FEZ1: variants seen among roughly 807,000 people sequenced by gnomAD.
FEZ1 encodes the protein fasciculation and elongation protein zeta 1.
A neutral mutation model predicts 49.3 loss-of-function variants in FEZ1; 20 were observed. That is an observed-to-expected ratio of 0.41 (90% CI 0.29 to 0.59). FEZ1 has a LOEUF of 0.59. Among genes scored for constraint, FEZ1 ranks in the 20% least tolerant of loss-of-function variants. The pLI is 0.36. For synonymous variants in FEZ1, 170 were observed against 180.9 expected (o/e 0.94, Z 0.48); for missense variants, 413 against 476.0 (o/e 0.87, Z 1.23).
chr11:125,469,457 G>A (rs1478343998), intron 3 of FEZ1, among the ~76,000 whole-genome samples: 1 of 152,108 alleles, frequency 6.6e-6, no homozygotes. Context: ...TGGGGAACTT[G>A]CCATGTTTCC....
chr11:125,481,721 G>A, intron 2 of FEZ1, 88 bp from the exon 3 acceptor site: 2 of 914,278 alleles, frequency 2.2e-6, no homozygotes, highest in Non-Finnish European at 1.8e-6. Flanking sequence ...AGAGGAGAGA[G>A]GCTTCTGTGT....
At chr11:125,484,757 C>A (rs1306641720) in intron 2 of FEZ1, among the ~76,000 whole-genome samples, 2 of 151,942 alleles carry the variant, frequency 1.3e-5, no homozygotes, top group African/African-American at 4.8e-5. Flanking sequence ...ATTGTGTTTT[C>A]ATGGATCTAC....
chr11:125,481,204 C>T (rs1451018412), intron 3 of FEZ1, among the ~76,000 whole-genome samples: 8 of 151,858 alleles, frequency 5.3e-5, no homozygotes, highest in Non-Finnish European at 4.4e-5. Context: ...ACAACTCCTC[C>T]TTCCCAACAA....
chr11:125,446,034 C>G lies in FEZ1; in HGVS notation c.*61G>C, dbSNP rs1352534703. 15 of 1,520,518 alleles carry G rather than the reference C, an allele frequency of 9.9e-6. No individual in the cohort carries two copies. The highest frequency in any genetic ancestry group is 1.3e-5 in the Non-Finnish European group (14 of 1,094,978). 94.2% of individuals were successfully genotyped at this position (1,520,518 alleles called of 1,614,324 possible). A position where few individuals can be genotyped will look rare whatever the true frequency, so the allele number is the denominator to read the frequency against. On this transcript the variant is annotated 3_prime_UTR_variant, in exon 10 of 10. Transcript: ENST00000278919. ...GAGGTTACATGGTCTCATGCAGTCC[C>G]TGTGATGGAATGACTCTTGCTCAGT...
chr11:125,483,300 A>C (rs1324325237), intron 2 of FEZ1, among the ~76,000 whole-genome samples: 1 of 152,204 alleles, frequency 6.6e-6, no homozygotes, highest in Non-Finnish European at 1.5e-5. Context: ...ATAATTGGTG[A>C]TGGAACAAAT....
intron 3 of FEZ1, among the ~76,000 whole-genome samples, chr11:125,464,851 G>A (rs910486391): frequency 2.6e-5 from 4 of 152,132 alleles, no homozygotes; most frequent in Admixed American, 6.6e-5. Context: ...ATCTATTTCC[G>A]CTGTCAAACC....
intron 3 of FEZ1, chr11:125,468,987 G>A (rs35203305): frequency 0.35 from 53,403 of 152,040 alleles, 9,557 homozygotes; most frequent in South Asian, 0.5. Flanking sequence ...CCACCTAAAA[G>A]TGAGGGTGAG....
intron 3 of FEZ1, among the ~76,000 whole-genome samples, chr11:125,464,821 C>T (rs189302037): frequency 6.6e-6 from 1 of 152,316 alleles, no homozygotes; most frequent in Admixed American, 6.5e-5. Flanking sequence ...ATCTGAAGGG[C>T]CCGGGTACCA....
Position 125,489,654 on chromosome 11 carries a change from A to G in FEZ1, c.124T>C (p.Ser42Pro). 2 of 1,614,054 alleles carry G rather than the reference A, an allele frequency of 1.2e-6. No individual in the cohort carries two copies. Among genetic ancestry groups the G allele is most frequent in the Non-Finnish European group, 1.7e-6 (2 of 1,179,978 alleles). ...GSSPHHLEDPSLSELENFSSE... is the reference protein window; with the variant it reads ...GSSPHHLEDPPLSELENFSSE... ...GAAAAATTCTCAAGCTCGGAGAGGG[A>G]GGGGTCCTCGAGATGGTGGGGAGAT... The change falls in exon 2 of 10, where the codon TCC (serine) becomes CCC (proline). Residue 42 changes from serine to proline, a missense_variant. Transcript: ENST00000278919. This position sits in a 1 kb window ranked among gnomAD's most constrained non-coding sequence, Gnocchi z 4.2.
At chr11:125,481,838 C>A in intron 2 of FEZ1, 1 of 580,870 alleles carries the variant, frequency 1.7e-6, no homozygotes, top group Non-Finnish European at 3.1e-6. Context: ...TGGCCAGGGG[C>A]TTCAGTGTGA....
At chr11:125,483,093 C>G (rs488462) in intron 2 of FEZ1, among the ~76,000 whole-genome samples, 141,293 of 151,600 alleles carry the variant, frequency 0.93, 65,916 homozygotes, top group East Asian at 1. Flanking sequence ...ATACCCGTGA[C>G]AGCAAGATTT....
intron 2 of FEZ1, among the ~76,000 whole-genome samples, chr11:125,486,384 G>T (rs1957326976): frequency 6.6e-6 from 1 of 152,152 alleles, no homozygotes; most frequent in African/African-American, 2.4e-5. Context: ...CAAAGGAAGA[G>T]GGTGGTCACA....
At chr11:125,455,029 A>AC (rs1345804181) in intron 6 of FEZ1, among the ~76,000 whole-genome samples, 1 of 149,044 alleles carries the variant, frequency 6.7e-6, no homozygotes, top group Non-Finnish European at 1.5e-5. Context: ...AAAAAAAAAA[A>AC]AGAAAAAAAA....
At chr11:125,446,263 C>G (rs1232394297) in intron 9 of FEZ1, 152 bp from the exon 10 acceptor site, 1 of 705,596 alleles carries the variant, frequency 1.4e-6, no homozygotes, top group African/African-American at 1.8e-5. Flanking sequence ...GAGACAATGG[C>G]AGGTGGTTGC....
chr11:125,442,999 G>T lies in FEZ1; in HGVS notation c.*3096C>A, dbSNP rs1032423966. Among the ~76,000 whole-genome samples, 1 of 152,122 alleles carries T rather than the reference G, an allele frequency of 6.6e-6. No individual in the cohort carries two copies. Among genetic ancestry groups the T allele is most frequent in the Admixed American group, 6.5e-5 (1 of 15,268 alleles). On this transcript the variant is annotated 3_prime_UTR_variant, in exon 10 of 10. Transcript: ENST00000278919. Reference sequence around the variant, plus strand: ...GATCTGCCCACCTCGGCCTCCCAAAGTTCTGGGATTACAGGCATGAGCCAC... The same window carrying T: ...GATCTGCCCACCTCGGCCTCCCAAATTTCTGGGATTACAGGCATGAGCCAC...
chr11:125,480,376 A>G (rs528947702), intron 3 of FEZ1, among the ~76,000 whole-genome samples: 1 of 152,152 alleles, frequency 6.6e-6, no homozygotes, highest in African/African-American at 2.4e-5. Flanking sequence ...ACACAGTGAG[A>G]CCCTGTCTGA....
At chr11:125,469,975 A>T (rs1156716667) in intron 3 of FEZ1, among the ~76,000 whole-genome samples, 1 of 152,056 alleles carries the variant, frequency 6.6e-6, no homozygotes, top group Non-Finnish European at 1.5e-5. Flanking sequence ...TTGTCCTCCC[A>T]AAGTGCTAGG....
At chr11:125,485,223 C>G (rs1199889813) in intron 2 of FEZ1, among the ~76,000 whole-genome samples, 5 of 152,232 alleles carry the variant, frequency 3.3e-5, no homozygotes, top group African/African-American at 1.2e-4. Context: ...ACAGAAAAGG[C>G]TTTTTCAGGT....
chr11:125,457,509 T>A (rs75477455), intron 5 of FEZ1, among the ~76,000 whole-genome samples: 1 of 128,556 alleles, frequency 7.8e-6, no homozygotes, highest in South Asian at 2.6e-4. Flanking sequence ...TGTATATATA[T>A]ACACATATAT....
Sources: allele counts gnomAD v4.1 joint callset (sites outside exome capture counted in the v4.1 genomes callset), GRCh38; gene constraint gnomAD v4.1.1; non-coding constraint Gnocchi (gnomAD v3.1); transcripts MANE v1.5; gene names NCBI Gene and HGNC (gene_info 2026-07-23, HGNC 2026-07-21).